MARCHF3: variants seen among roughly 807,000 people sequenced by gnomAD.
The protein encoded by MARCHF3 is membrane associated ring-CH-type finger 3, also known as E3 ubiquitin-protein ligase MARCHF3.
MARCHF3 carries 13 observed loss-of-function variants against 24.2 expected under a neutral mutation model. The observed-to-expected ratio is 0.54, with a 90% CI of 0.35 to 0.85. The LOEUF is 0.85. MARCHF3 is among the 40% of genes least tolerant of loss of function. MARCHF3 has a pLI of 0.01. For missense variants in MARCHF3, 276 were observed against 325.0 expected (o/e 0.85, Z 1.16); for synonymous variants, 144 against 137.3 (o/e 1.05, Z -0.34).
chr5:126,927,908 AATT>A (rs1438435074), intron 1 of MARCHF3, among the ~76,000 whole-genome samples: 2 of 152,220 alleles, frequency 1.3e-5, no homozygotes, highest in African/African-American at 2.4e-5. Flanking sequence ...GACTGAATTA[AATT>A]ATTATCCAGG....
At chr5:126,918,826 AT>A (rs1748999929) in intron 1 of MARCHF3, among the ~76,000 whole-genome samples, 2 of 152,234 alleles carry the variant, frequency 1.3e-5, no homozygotes, top group African/African-American at 4.8e-5. Flanking sequence ...GCATAATAAA[AT>A]TTTCTACTCA....
At chr5:126,960,177 G>C (rs371394518) in intron 1 of MARCHF3, among the ~76,000 whole-genome samples, 1 of 152,110 alleles carries the variant, frequency 6.6e-6, no homozygotes, top group South Asian at 2.1e-4. Context: ...GGTCCTAAGA[G>C]TTTTTATATC....
At chr5:126,985,949 T>C (rs1751551438) in intron 1 of MARCHF3, among the ~76,000 whole-genome samples, 1 of 152,210 alleles carries the variant, frequency 6.6e-6, no homozygotes, top group Non-Finnish European at 1.5e-5. Flanking sequence ...GTGGGGTGGT[T>C]GATCATCCAA....
chr5:126,881,300 C>T (rs953944494), intron 3 of MARCHF3, among the ~76,000 whole-genome samples: 2 of 152,108 alleles, frequency 1.3e-5, no homozygotes, highest in Non-Finnish European at 2.9e-5. Flanking sequence ...TGTGTATCTT[C>T]TGCAGAGCTC....
rs77643517 is a variant in MARCHF3, at chr5:126,933,673, T to C, written c.-56-15446A>G. Among the ~76,000 whole-genome samples, 1,285 of 152,294 alleles carry C rather than the reference T, an allele frequency of 8.4e-3. 20 individuals carry two copies. Among genetic ancestry groups the C allele is most frequent in the East Asian group, 0.026 (133 of 5,184 alleles). ...GTTAGCCAGGATGGTCTTGATTTCCTGACCTCGTGATTCACATGCCTTGGC... is the reference window on the plus strand; with the variant it reads ...GTTAGCCAGGATGGTCTTGATTTCCCGACCTCGTGATTCACATGCCTTGGC... On this transcript the variant is annotated intron_variant, in intron 1 of 4. Coordinates refer to ENST00000308660, the MANE Select transcript of MARCHF3 (RefSeq NM_178450.5).
chr5:127,028,910 T>C (rs1238209179), intron 1 of MARCHF3, among the ~76,000 whole-genome samples: 1 of 152,308 alleles, frequency 6.6e-6, no homozygotes, highest in Non-Finnish European at 1.5e-5. Context: ...AGTTGCCCCC[T>C]ACCCAGGCTC....
At chr5:126,929,951 T>C (rs1161651193) in intron 1 of MARCHF3, among the ~76,000 whole-genome samples, 2 of 152,226 alleles carry the variant, frequency 1.3e-5, no homozygotes, top group African/African-American at 2.4e-5. Flanking sequence ...TCTGCCATGA[T>C]TGTGAGGCCT....
chr5:126,902,771 A>G (rs1754151317), intron 3 of MARCHF3, among the ~76,000 whole-genome samples: 1 of 152,094 alleles, frequency 6.6e-6, no homozygotes. Context: ...TTTGCCACCA[A>G]AACAAGAGAC....
Position 126,882,165 on chromosome 5 carries a change from CAT to C in MARCHF3, c.394-3773_394-3772del, listed in dbSNP as rs537345244. The stretch of plus-strand genomic sequence containing the variant: ...AGAGGTGAGATTTAAACCAGCCTCA[CAT>C]GTTCTCTTCCTTGTTTTCCTGCTAA... On this transcript the variant is annotated intron_variant, in intron 3 of 4. Transcript: ENST00000308660. Among the ~76,000 whole-genome samples the C allele has an allele frequency of 3.5e-4, 53 of 152,356 alleles. No individual in the cohort carries two copies. The South Asian group carries it at 0.011, about 30-fold the overall frequency.
At chr5:126,912,108 GA>G (rs1561422272) in intron 3 of MARCHF3, among the ~76,000 whole-genome samples, 1 of 152,070 alleles carries the variant, frequency 6.6e-6, no homozygotes, top group African/African-American at 2.4e-5. Flanking sequence ...CTTATGGGCA[GA>G]AAAAAAGACT....
intron 1 of MARCHF3, among the ~76,000 whole-genome samples, chr5:126,958,353 C>T (rs970418462): frequency 6.6e-6 from 1 of 151,998 alleles, no homozygotes; most frequent in African/African-American, 2.4e-5. Context: ...GTTTCTCTGG[C>T]CAAGACAAGT....
rs7709501 is a variant in MARCHF3, at chr5:127,000,430, G to A, written c.-57+29920C>T. 6.9e-3 allele frequency among the ~76,000 whole-genome samples: 1,050 copies of A among 152,234 alleles called. 11 individuals carry two copies. Among genetic ancestry groups the A allele is most frequent in the African/African-American group, 0.024 (985 of 41,518 alleles). ...GATGGCAGCAGAGCCAAGGGGGTTC[G>A]AGGTCCCTCTATGATCCCTTACACC... On this transcript the variant is annotated intron_variant, in intron 1 of 4. Transcript: ENST00000308660.
intron 3 of MARCHF3, among the ~76,000 whole-genome samples, chr5:126,900,340 A>C (rs903386542): frequency 6.6e-6 from 1 of 152,054 alleles, no homozygotes; most frequent in Non-Finnish European, 1.5e-5. Flanking sequence ...CCTAACCCTC[A>C]AGGTGATGGT....
intron 1 of MARCHF3, among the ~76,000 whole-genome samples, chr5:126,946,624 T>C (rs751793245): frequency 1.8e-4 from 28 of 152,104 alleles, no homozygotes; most frequent in Non-Finnish European, 3.8e-4. Context: ...GTTAGTCCTT[T>C]GGGTTTCCAG....
At chr5:126,990,227 C>A (rs540019405) in intron 1 of MARCHF3, among the ~76,000 whole-genome samples, 1 of 151,972 alleles carries the variant, frequency 6.6e-6, no homozygotes, top group South Asian at 2.1e-4. Flanking sequence ...GAACAGAGGC[C>A]TCAGAAATAA....
At chr5:127,029,355 T>C (rs1753100210) in intron 1 of MARCHF3, among the ~76,000 whole-genome samples, 1 of 152,248 alleles carries the variant, frequency 6.6e-6, no homozygotes, top group Non-Finnish European at 1.5e-5. Context: ...GACCTGTTTC[T>C]GTCTAGTATT....
chr5:126,986,113 T>C (rs1370694030), intron 1 of MARCHF3, among the ~76,000 whole-genome samples: 1 of 152,186 alleles, frequency 6.6e-6, no homozygotes, highest in Non-Finnish European at 1.5e-5. Context: ...GTGTAACATA[T>C]GCAAAATAAA....
chr5:127,014,058 C>T (rs1004678181), intron 1 of MARCHF3, among the ~76,000 whole-genome samples: 2 of 152,030 alleles, frequency 1.3e-5, no homozygotes, highest in East Asian at 1.9e-4. Context: ...AATGGGATTA[C>T]ATAAAACTAA....
At chr5:127,002,260 G>C (rs1752154600) in intron 1 of MARCHF3, among the ~76,000 whole-genome samples, 1 of 152,232 alleles carries the variant, frequency 6.6e-6, no homozygotes, top group African/African-American at 2.4e-5. Context: ...GATAACATTT[G>C]TCTGGTGATT....
Sources: gnomAD v4.1 joint callset for allele counts (sites outside exome capture counted in the v4.1 genomes callset) on GRCh38, gnomAD v4.1.1 for gene constraint, MANE v1.5 for transcripts, NCBI Gene and HGNC (gene_info 2026-07-23, HGNC 2026-07-21) for gene names.